Variants in NBR1 observed in about 807,000 individuals in gnomAD.
NBR1 encodes next to BRCA1 gene 1 protein.
In NBR1, 59 loss-of-function variants were observed where a neutral mutation model predicts 115.5. The observed-to-expected ratio is 0.51, with a 90% CI of 0.41 to 0.63. NBR1 has a LOEUF of 0.63. NBR1 is among the 30% of genes least tolerant of loss of function. The pLI, the probability that NBR1 is intolerant of heterozygous loss-of-function variation, is 0.00. For synonymous variants in NBR1, 373 were observed against 414.7 expected (o/e 0.90, Z 1.22); for missense variants, 1,043 against 1,150.5 (o/e 0.91, Z 1.35).
intron 6 of NBR1, 106 bp from the exon 7 acceptor site, chr17:43,188,936 A>G (rs963515630): frequency 5.1e-6 from 4 of 783,080 alleles, no homozygotes; most frequent in South Asian, 3.2e-5. Flanking sequence ...AAAAAATTAT[A>G]TACTTGTATG....
intron 5 of NBR1, among the ~76,000 whole-genome samples, 158 bp from the exon 6 acceptor site, chr17:43,186,092 G>A (rs1215584501): frequency 6.6e-6 from 1 of 152,170 alleles, no homozygotes; most frequent in Middle Eastern, 3.2e-3. Flanking sequence ...CAAGTTGAGT[G>A]TAAACATTAC....
At position 43,179,376 on chromosome 17, in the gene NBR1, C is replaced by CT. The variant is rs747026854; in HGVS notation, c.166-11dup. ...ATGAGACACTTATAATTCACTGTTG[C>CT]TTTTTTTCCTTTTATAGGTATCCAT... On this transcript the variant is annotated splice_polypyrimidine_tract_variant and intron_variant, in intron 3 of 20. Transcript: ENST00000590996. The CT allele has an allele frequency of 8.1e-6, 13 of 1,610,806 alleles. No individual in the cohort carries two copies. The highest frequency in any genetic ancestry group is 1.1e-5 in the Non-Finnish European group (13 of 1,177,700).
At chr17:43,208,973 C>A (rs2057366655) in intron 20 of NBR1, among the ~76,000 whole-genome samples, 1 of 151,942 alleles carries the variant, frequency 6.6e-6, no homozygotes, top group South Asian at 2.1e-4. Flanking sequence ...TCTCAAAAAA[C>A]AAACAAAACA....
Position 43,197,116 on chromosome 17 carries a change from C to T in NBR1, c.2026+10C>T. On this transcript the variant is annotated intron_variant, in intron 16 of 20. Transcript: ENST00000590996. ...CAGAAGTCCTTGCAGAGTGAGTGTC[C>T]TTGCATTTCCCCTACCTAGCAGGGT... 1 of 1,612,956 alleles carries T rather than the reference C, an allele frequency of 6.2e-7. No homozygotes were observed.
Position 43,190,616 on chromosome 17 carries a change from C to A in NBR1, c.703C>A (p.Pro235Thr), listed in dbSNP as rs1284147130. The A allele has an allele frequency of 6.3e-7, 1 of 1,582,708 alleles. No individual in the cohort carries two copies. Among genetic ancestry groups the A allele is most frequent in the Non-Finnish European group, 8.6e-7 (1 of 1,164,114 alleles). ...GCCATTCTTTCCCCACAGCCTATGC[C>A]CATCCTACAATATCTGTGAAGATTG... ...VGVRYQCSLC[P>T]SYNICEDCEA... is the part of the protein sequence containing the mutation. Residue 235 changes from proline (P) to threonine (T), a missense_variant, in exon 9 of 21, where the codon CCA (proline) becomes ACA (threonine). By Grantham distance (38) the Pro-to-Thr change is conservative. Transcript: ENST00000590996.
rs562377819 is a variant in NBR1 at position 43,211,520 on chromosome 17, G to A, written c.*1446G>A. On this transcript the variant is annotated 3_prime_UTR_variant, in exon 21 of 21. Coordinates refer to ENST00000590996, the MANE Select transcript of NBR1 (RefSeq NM_005899.5). ...AAAACGTTTTAATCGGGGCTTCCGG[G>A]TAGAAGGTGGAGCGGCAGGGTGTAA... 612 of 152,728 alleles carry A rather than the reference G, an allele frequency of 4.0e-3. 4 individuals are homozygous for A. The highest frequency in any genetic ancestry group is 0.01 in the Middle Eastern group (3 of 294). The allele number at this position is 152,728 out of a possible 1,614,324, so 9.5% of individuals were successfully genotyped here. A position where few individuals can be genotyped will look rare whatever the true frequency, so the allele number is the denominator to read the frequency against.
At chr17:43,194,201 A>G (rs2057014733) in intron 12 of NBR1, 149 bp from the exon 13 acceptor site, 2 of 748,504 alleles carry the variant, frequency 2.7e-6, no homozygotes, top group South Asian at 2.1e-5. Flanking sequence ...TGTTTTTACA[A>G]CTTTTTCTAT....
At chr17:43,174,975 G>A (rs147810247) in intron 1 of NBR1, among the ~76,000 whole-genome samples, 6,790 of 151,648 alleles carry the variant, frequency 0.045, 530 homozygotes, top group African/African-American at 0.16. Flanking sequence ...ATGTGGTGGC[G>A]GGCACCCCAG....
chr17:43,200,154 T>C lies in NBR1; in HGVS notation c.2027-13T>C. On this transcript the variant is annotated splice_polypyrimidine_tract_variant and intron_variant, in intron 16 of 20. Coordinates refer to ENST00000590996, the MANE Select transcript of NBR1 (RefSeq NM_005899.5). ...TAGCTTCCACCTTAAAATTGGTTGC[T>C]TTCATCCTTTAGTGACATTTGCCTT... 6.5e-7 allele frequency: 1 copy of C among 1,534,924 alleles called. No homozygotes were observed. The highest frequency in any genetic ancestry group is 1.4e-5 in the African/African-American group (1 of 72,884).
chr17:43,205,035 G>T (rs2057287294), intron 20 of NBR1, among the ~76,000 whole-genome samples: 1 of 151,910 alleles, frequency 6.6e-6, no homozygotes. Flanking sequence ...AACAAGTGAG[G>T]TGCATGGATA....
intron 13 of NBR1, 153 bp downstream of exon 13, chr17:43,194,652 C>A: frequency 1.2e-6 from 1 of 865,156 alleles, no homozygotes; most frequent in Non-Finnish European, 1.8e-6. Context: ...CCCATGGAAG[C>A]AAGTTTGTAA....
chr17:43,182,211 C>CTTTTT lies in NBR1; in HGVS notation c.207+1414_207+1418dup, dbSNP rs752789312. On this transcript the variant is annotated intron_variant, in intron 5 of 20. Coordinates refer to ENST00000590996, the MANE Select transcript of NBR1 (RefSeq NM_005899.5). ...CCTCTTTCCCTCACTCTGTTCTCTC[C>CTTTTT]TTTTTTTTTTTTTTTTTTTTTTTTG... Among the ~76,000 whole-genome samples the CTTTTT allele has an allele frequency of 5.0e-4, 36 of 71,604 alleles. 1 individual carries two copies. Among genetic ancestry groups the CTTTTT allele is most frequent in the Admixed American group, 1.1e-3 (5 of 4,362 alleles). The allele number at this position is 71,604 out of a possible 152,430, so 47.0% of individuals were successfully genotyped here. A position where few individuals can be genotyped will look rare whatever the true frequency, so the allele number is the denominator to read the frequency against.
chr17:43,194,277 T>G (rs1259598101), intron 12 of NBR1, 73 bp from the exon 13 acceptor site: 15 of 1,356,960 alleles, frequency 1.1e-5, no homozygotes, highest in African/African-American at 1.5e-5. Context: ...TTTTTATTTT[T>G]GGGGGCATTG....
chr17:43,182,732 C>T (rs11658499), intron 5 of NBR1, among the ~76,000 whole-genome samples: 46,168 of 151,446 alleles, frequency 0.3, 7,751 homozygotes, highest in South Asian at 0.49. Flanking sequence ...TTAACACATC[C>T]ATCACCTCAG....
rs182014697 is a variant in NBR1, at chr17:43,209,140, G to A, written c.2728-761G>A. Among the ~76,000 whole-genome samples the A allele has an allele frequency of 1.6e-3, 249 of 151,470 alleles. 1 individual carries two copies. Among genetic ancestry groups the A allele is most frequent in the Middle Eastern group, 0.014 (4 of 294 alleles). ...CACCCAGGCTGGAGTGCAATGGCGC[G>A]ATCTCGGCTCACTGCAAGCTCCACC... is the stretch of plus-strand genomic sequence containing the variant. On this transcript the variant is annotated intron_variant, in intron 20 of 20. Coordinates refer to ENST00000590996, the MANE Select transcript of NBR1 (RefSeq NM_005899.5).
chr17:43,204,692 G>A (rs2057278001), intron 20 of NBR1, among the ~76,000 whole-genome samples: 1 of 151,538 alleles, frequency 6.6e-6, no homozygotes. Flanking sequence ...GCAGGCACCT[G>A]TAGTCCCAGC....
chr17:43,194,292 C>G (rs2057016569), intron 12 of NBR1, 58 bp from the exon 13 acceptor site: 1 of 1,466,442 alleles, frequency 6.8e-7, no homozygotes, highest in Non-Finnish European at 9.2e-7. Flanking sequence ...GCATTGTCAG[C>G]CTGCCTCTTC....
intron 10 of NBR1, among the ~76,000 whole-genome samples, chr17:43,192,249 C>T (rs187760109): frequency 9.9e-5 from 15 of 151,234 alleles, no homozygotes; most frequent in African/African-American, 3.2e-4. Context: ...TCTCGAACTC[C>T]TGACCTCATG....
Position 43,178,016 on chromosome 17 carries a change from A to G in NBR1, c.165+18A>G. 2 of 1,568,340 alleles carry G rather than the reference A, an allele frequency of 1.3e-6. No individual in the cohort carries two copies. The highest frequency in any genetic ancestry group is 2.3e-5 in the East Asian group (1 of 43,538). The stretch of plus-strand genomic sequence containing the variant: ...ATGAAGAGGTAAAATATATTATGGC[A>G]CTTATTGCTAGGTGTTCAGAATAGG... On this transcript the variant is annotated intron_variant, in intron 3 of 20. Transcript: ENST00000590996.
Sources: gnomAD v4.1 joint callset for allele counts (sites outside exome capture counted in the v4.1 genomes callset) on GRCh38, gnomAD v4.1.1 for gene constraint, MANE v1.5 for transcripts, NCBI Gene and HGNC (gene_info 2026-07-23, HGNC 2026-07-21) for gene names.